TXNDC16: variants seen among roughly 807,000 people sequenced by gnomAD.
TXNDC16 encodes the protein thioredoxin domain-containing protein 16.
TXNDC16 carries 74 observed loss-of-function variants against 85.6 expected under a neutral mutation model. That is an observed-to-expected ratio of 0.86 (90% CI 0.72 to 1.05). TXNDC16 has a LOEUF of 1.05. Among genes scored for constraint, TXNDC16 ranks in the 50% least tolerant of loss-of-function variants. TXNDC16 has a pLI of 0.00. For missense variants in TXNDC16, 959 were observed against 947.0 expected, an observed-to-expected ratio of 1.01 and a Z score of -0.17; for synonymous variants, 335 against 326.5, an observed-to-expected ratio of 1.03 and a Z score of -0.28.
At chr14:52,463,259 A>G (rs2035694389) in intron 16 of TXNDC16, among the ~76,000 whole-genome samples, 1 of 152,082 alleles carries the variant, frequency 6.6e-6, no homozygotes, top group African/African-American at 2.4e-5. Flanking sequence ...GTGGAGCTTC[A>G]AAGTCTGAAA....
chr14:52,519,518 T>C (rs1242592820), intron 6 of TXNDC16, among the ~76,000 whole-genome samples: 2 of 152,248 alleles, frequency 1.3e-5, no homozygotes, highest in Non-Finnish European at 2.9e-5. Flanking sequence ...ATGTTCATTA[T>C]GTATTACAAC....
intron 13 of TXNDC16, 38 bp from the exon 14 acceptor site, chr14:52,482,327 A>G (rs773702148): frequency 1.3e-6 from 2 of 1,545,148 alleles, no homozygotes; most frequent in South Asian, 1.1e-5. Flanking sequence ...TATTACATGT[A>G]TATCTACAAA....
intron 18 of TXNDC16, among the ~76,000 whole-genome samples, chr14:52,454,425 T>TAAA (rs535276734): frequency 1.7e-5 from 2 of 120,200 alleles, no homozygotes; most frequent in Non-Finnish European, 1.8e-5. Flanking sequence ...AAACTCTGTC[T>TAAA]AAAAAAAAAA....
intron 7 of TXNDC16, among the ~76,000 whole-genome samples, chr14:52,517,542 C>A (rs2037112767): frequency 6.6e-6 from 1 of 152,094 alleles, no homozygotes; most frequent in South Asian, 2.1e-4. Flanking sequence ...AAACTCTTAG[C>A]ACCATATCTA....
chr14:52,456,366 T>C (rs188960811), intron 17 of TXNDC16, among the ~76,000 whole-genome samples: 3,612 of 150,840 alleles, frequency 0.024, 73 homozygotes, highest in Middle Eastern at 0.075. Flanking sequence ...ACAGTCCTCA[T>C]ATTTCCTTCT....
intron 6 of TXNDC16, among the ~76,000 whole-genome samples, chr14:52,536,375 A>C (rs2037700648): frequency 6.6e-6 from 1 of 152,142 alleles, no homozygotes; most frequent in African/African-American, 2.4e-5. Context: ...ACCCAGTTTC[A>C]TTGTTGTTTA....
At chr14:52,480,944 G>GGT (rs146675184) in intron 14 of TXNDC16, among the ~76,000 whole-genome samples, 2,484 of 139,732 alleles carry the variant, frequency 0.018, 31 homozygotes, top group Non-Finnish European at 0.029. Flanking sequence ...AAGACACTGT[G>GGT]GTGTGTGTGT....
chr14:52,444,534 T>C (rs1357230535), intron 18 of TXNDC16, among the ~76,000 whole-genome samples: 3 of 152,180 alleles, frequency 2.0e-5, no homozygotes, highest in African/African-American at 4.8e-5. Flanking sequence ...ATCTTTATTA[T>C]AGCTGTTCAG....
chr14:52,443,543 G>C (rs954961573), intron 18 of TXNDC16, among the ~76,000 whole-genome samples: 1 of 152,158 alleles, frequency 6.6e-6, no homozygotes, highest in African/African-American at 2.4e-5. Flanking sequence ...GTGTGTGCTT[G>C]AGCAGGGATT....
At position 52,537,774 on chromosome 14, in the gene TXNDC16, T is replaced by A. The variant is rs1311693688; in HGVS notation, c.244-102A>T. On this transcript the variant is annotated intron_variant, in intron 4 of 20. Coordinates refer to ENST00000281741, the MANE Select transcript of TXNDC16 (RefSeq NM_020784.3). ...ATTAAATATTACAGTTTGTTGCAGGTCAAATTTTGTATTTTATGTTTTTTT... is the reference window on the plus strand; with the variant it reads ...ATTAAATATTACAGTTTGTTGCAGGACAAATTTTGTATTTTATGTTTTTTT... 4.4e-6 allele frequency: 3 copies of A among 678,636 alleles called. No individual in the cohort carries two copies. In the Admixed American group the frequency reaches 8.5e-5, roughly 19 times the overall value. 42.0% of individuals were successfully genotyped at this position (678,636 alleles called of 1,614,324 possible).
At chr14:52,536,631 G>T in intron 6 of TXNDC16, 88 bp downstream of exon 6, 2 of 1,143,360 alleles carry the variant, frequency 1.7e-6, no homozygotes, top group South Asian at 1.6e-5. Context: ...TTAAAACCCT[G>T]AAATATTTTA....
chr14:52,547,275 C>T (rs1391532972), intron 1 of TXNDC16, among the ~76,000 whole-genome samples: 2 of 152,080 alleles, frequency 1.3e-5, no homozygotes, highest in Non-Finnish European at 2.9e-5. Flanking sequence ...AATGGAAGAA[C>T]CTCACACAGG....
chr14:52,436,311 C>A (rs988343114), intron 20 of TXNDC16, among the ~76,000 whole-genome samples: 4 of 152,144 alleles, frequency 2.6e-5, no homozygotes, highest in African/African-American at 4.8e-5. Flanking sequence ...TGAAAGAAGT[C>A]AGACATAAGA....
At position 52,543,515 on chromosome 14, in the gene TXNDC16, CAA is replaced by C. The variant is rs2037878677; in HGVS notation, c.41_42del (p.Phe14CysfsTer24). 6.2e-7 allele frequency: 1 copy of C among 1,613,444 alleles called. No homozygotes were observed. Among genetic ancestry groups the C allele is most frequent in the South Asian group, 1.1e-5 (1 of 90,988 alleles). The stretch of plus-strand genomic sequence containing the variant: ...GGCATGTAAAAAATGCACATTATGA[CAA>C]AAGAGATCCCAACTCTAAAGACATT... ...GFNVFRVGIS[F>X]VIMCIFYMPT... On this transcript the variant is annotated frameshift_variant, in exon 3 of 21. Transcript: ENST00000281741. LOFTEE classifies it high-confidence loss of function.
chr14:52,485,995 T>C (rs1211527973), intron 12 of TXNDC16, among the ~76,000 whole-genome samples: 1 of 152,056 alleles, frequency 6.6e-6, no homozygotes, highest in Non-Finnish European at 1.5e-5. Flanking sequence ...AGCATGAGAG[T>C]TGCACTATAT....
intron 9 of TXNDC16, among the ~76,000 whole-genome samples, chr14:52,503,429 C>T (rs2036711381): frequency 6.6e-6 from 1 of 152,232 alleles, no homozygotes; most frequent in Non-Finnish European, 1.5e-5. Context: ...ATTCGCTGTT[C>T]TGCAGCCTCT....
At chr14:52,548,348 G>C (rs909376189) in intron 1 of TXNDC16, among the ~76,000 whole-genome samples, 1 of 152,198 alleles carries the variant, frequency 6.6e-6, no homozygotes, top group African/African-American at 2.4e-5. Context: ...AGCAGGTAAT[G>C]GTTGGTCAGC....
chr14:52,551,466 G>GA (rs72432459), intron 1 of TXNDC16, among the ~76,000 whole-genome samples: 1 of 110,506 alleles, frequency 9.0e-6, no homozygotes. Context: ...GACCCTGCAT[G>GA]AAAAAAAGGA....
intron 18 of TXNDC16, among the ~76,000 whole-genome samples, chr14:52,452,668 C>T (rs1375798031): frequency 1.3e-5 from 2 of 152,118 alleles, no homozygotes; most frequent in African/African-American, 4.8e-5. Context: ...TCATCATATA[C>T]AAAAATCAAT....
Sources: gnomAD v4.1 joint callset for allele counts (sites outside exome capture counted in the v4.1 genomes callset) on GRCh38, gnomAD v4.1.1 for gene constraint, MANE v1.5 for transcripts, NCBI Gene and HGNC (gene_info 2026-07-23, HGNC 2026-07-21) for gene names.